The following LUC7L2 variants were observed in gnomAD, a reference collection of about 807,000 sequenced individuals.
The protein encoded by LUC7L2 is putative RNA-binding protein Luc7-like 2.
Under a neutral mutation model 52.8 loss-of-function variants are expected in LUC7L2, and 25 were observed. The observed-to-expected ratio is 0.47, with a 90% confidence interval of 0.34 to 0.66. The LOEUF (loss-of-function observed/expected upper bound fraction) is 0.66. Ranked by LOEUF, LUC7L2 falls within the 30% of genes least tolerant of loss-of-function variation. The pLI is 0.01. For synonymous variants in LUC7L2, 144 were observed against 160.9 expected (o/e 0.89, Z 0.80); for missense variants, 328 against 497.8 (o/e 0.66, Z 3.25).
Position 139,423,067 on chromosome 7 carries a change from A to G in LUC7L2, c.*727A>G, listed in dbSNP as rs1795966218. The G allele has an allele frequency of 2.5e-6, 1 of 398,910 alleles. No homozygotes were observed. Among genetic ancestry groups the G allele is most frequent in the Non-Finnish European group, 4.4e-6 (1 of 226,058 alleles). 24.7% of individuals were successfully genotyped at this position (398,910 alleles called of 1,614,324 possible). A position where few individuals can be genotyped will look rare whatever the true frequency, so the allele number is the denominator to read the frequency against. ...GGCAGGGACTCTTTTCGTAATAAGC[A>G]CTTGTTTTATTTTGTGTGTGTGGAG... On this transcript the variant is annotated 3_prime_UTR_variant, in exon 10 of 10. Coordinates refer to ENST00000354926, the MANE Select transcript of LUC7L2 (RefSeq NM_016019.5).
chr7:139,375,094 A>G (rs1267777906), intron 1 of LUC7L2: 10 of 984,266 alleles, frequency 1.0e-5, no homozygotes, highest in Non-Finnish European at 1.2e-5. Flanking sequence ...ATCATTCTAT[A>G]TAGAAAGAGG....
At chr7:139,413,757 G>A (rs1795472828) in intron 8 of LUC7L2, among the ~76,000 whole-genome samples, 1 of 152,116 alleles carries the variant, frequency 6.6e-6, no homozygotes, top group Non-Finnish European at 1.5e-5. Context: ...CAGCTTGGGT[G>A]ACAGAGTAAG....
intron 1 of LUC7L2, chr7:139,341,488 A>T: frequency 6.2e-7 from 1 of 1,613,794 alleles, no homozygotes; most frequent in Non-Finnish European, 8.5e-7. Flanking sequence ...ACCGCGGCCT[A>T]TCGGTACCTT....
chr7:139,407,700 GAA>G (rs1448753230), intron 6 of LUC7L2, among the ~76,000 whole-genome samples: 1 of 152,090 alleles, frequency 6.6e-6, no homozygotes, highest in African/African-American at 2.4e-5. Context: ...AGAAGTTTGA[GAA>G]AATGAACCCA....
At chr7:139,397,981 C>G (rs1290708249) in intron 2 of LUC7L2, among the ~76,000 whole-genome samples, 5 of 152,152 alleles carry the variant, frequency 3.3e-5, no homozygotes, top group African/African-American at 1.2e-4. Flanking sequence ...AAGACTATAT[C>G]AAAGTCAACA....
Position 139,360,194 on chromosome 7 carries a change from T to A in LUC7L2, c.-68T>A. The A allele has an allele frequency of 4.5e-6, 5 of 1,099,654 alleles. No individual in the cohort carries two copies. The highest frequency in any genetic ancestry group is 6.6e-6 in the Non-Finnish European group (5 of 756,262). 68.1% of individuals were successfully genotyped at this position (1,099,654 alleles called of 1,614,324 possible). The stretch of plus-strand genomic sequence containing the variant: ...GCGCACCTTCCCCCATCCCTTCCCC[T>A]TATCCCCCAGCCCAAAAGGGCCCGG... On this transcript the variant is annotated 5_prime_UTR_variant, in exon 1 of 10. Transcript: ENST00000354926.
At chr7:139,341,212 G>C (rs1798936624) in intron 1 of LUC7L2, 1 of 1,194,986 alleles carries the variant, frequency 8.4e-7, no homozygotes, top group South Asian at 1.8e-5. Flanking sequence ...GGCGCCCCTG[G>C]GCCTTCGATT....
At chr7:139,405,961 G>A (rs901707374) in intron 5 of LUC7L2, among the ~76,000 whole-genome samples, 174 bp downstream of exon 5, 1 of 152,170 alleles carries the variant, frequency 6.6e-6, no homozygotes, top group East Asian at 1.9e-4. Context: ...AACAAAACTC[G>A]GAAAAAGCTG....
intron 1 of LUC7L2, among the ~76,000 whole-genome samples, chr7:139,372,824 C>T (rs1800522126): frequency 6.6e-6 from 1 of 152,066 alleles, no homozygotes; most frequent in Non-Finnish European, 1.5e-5. Context: ...ATTTCTTTAG[C>T]AAAATCATTG....
chr7:139,398,846 T>G, intron 3 of LUC7L2, 149 bp downstream of exon 3: 1 of 589,138 alleles, frequency 1.7e-6, no homozygotes, highest in Non-Finnish European at 2.7e-6. Flanking sequence ...TGTACTTTCT[T>G]GACAACTCTT....
chr7:139,396,744 G>A (rs1035372024), intron 2 of LUC7L2, among the ~76,000 whole-genome samples: 6 of 152,112 alleles, frequency 3.9e-5, no homozygotes, highest in Admixed American at 3.9e-4. Context: ...TTCCTACTTT[G>A]TTTATACTGT....
chr7:139,357,501 T>C (rs981233470), upstream of LUC7L2, among the ~76,000 whole-genome samples: 1 of 152,182 alleles, frequency 6.6e-6, no homozygotes, highest in South Asian at 2.1e-4. Flanking sequence ...TTAAATACAC[T>C]GTTTTTCAGG....
intron 5 of LUC7L2, 78 bp from the exon 6 acceptor site, chr7:139,407,096 T>C (rs1243519631): frequency 7.6e-7 from 1 of 1,321,454 alleles, no homozygotes; most frequent in Non-Finnish European, 9.7e-7. Context: ...ACTTTTGGTA[T>C]AAGCATAGTA....
intron 2 of LUC7L2, among the ~76,000 whole-genome samples, chr7:139,390,640 C>G (rs1158874562): frequency 3.3e-5 from 5 of 151,096 alleles, no homozygotes. Flanking sequence ...ACTGCAAGCT[C>G]CACCTCCCAG....
intron 1 of LUC7L2, among the ~76,000 whole-genome samples, chr7:139,366,694 A>T (rs776083955): frequency 2.0e-5 from 3 of 152,216 alleles, no homozygotes; most frequent in African/African-American, 7.2e-5. Flanking sequence ...TTACCATTTG[A>T]CTCTAACAAA....
intron 1 of LUC7L2, chr7:139,374,667 G>A: frequency 7.5e-7 from 1 of 1,331,140 alleles, no homozygotes; most frequent in Non-Finnish European, 9.6e-7. Context: ...CTGCTCTGAA[G>A]CTATCATTTT....
chr7:139,355,144 A>C (rs1799572626), upstream of LUC7L2, among the ~76,000 whole-genome samples: 1 of 152,088 alleles, frequency 6.6e-6, no homozygotes, highest in Admixed American at 6.5e-5. Flanking sequence ...TACAGGTGTG[A>C]GCCATGGTGC....
At chr7:139,374,272 T>G in intron 1 of LUC7L2, 1 of 675,050 alleles carries the variant, frequency 1.5e-6, no homozygotes, top group South Asian at 2.1e-5. Flanking sequence ...ACCCTGATTT[T>G]GTTCACTTTT....
intron 2 of LUC7L2, among the ~76,000 whole-genome samples, chr7:139,379,485 C>T (rs1585092920): frequency 7.5e-6 from 1 of 133,654 alleles, no homozygotes; most frequent in Non-Finnish European, 1.5e-5. Context: ...GAATTTTTTG[C>T]AATTGAGTTT....
Sources: gnomAD v4.1 joint callset for allele counts (sites outside exome capture counted in the v4.1 genomes callset) on GRCh38, gnomAD v4.1.1 for gene constraint, MANE v1.5 for transcripts, NCBI Gene and HGNC (gene_info 2026-07-23, HGNC 2026-07-21) for gene names.